The following CSMD1 variants were observed in gnomAD, a reference collection of about 807,000 sequenced individuals.
The protein encoded by CSMD1 is CUB and sushi domain-containing protein 1.
In CSMD1, 213 loss-of-function variants were observed where a neutral mutation model predicts 417.5. The ratio of observed to expected loss-of-function variants is 0.51; its 90% CI spans 0.46 to 0.57. The LOEUF (loss-of-function observed/expected upper bound fraction) is 0.57, where lower values mean the gene tolerates loss of function less well. Ranked by LOEUF, CSMD1 falls within the 20% of genes least tolerant of loss-of-function variation. The pLI, the probability that CSMD1 is intolerant of heterozygous loss-of-function variation, is 0.00. For missense variants in CSMD1, 6,923 were observed against 4,529.7 expected, an observed-to-expected ratio of 1.53 and a Z score of -15.17; for synonymous variants, 2,862 against 1,736.8, an observed-to-expected ratio of 1.65 and a Z score of -16.11.
chr8:4,526,702 A>G lies in CSMD1; in HGVS notation c.303-106637T>C, dbSNP rs116233107. Among the ~76,000 whole-genome samples, 637 of 152,356 alleles carry G rather than the reference A, an allele frequency of 4.2e-3. 4 individuals carry two copies. Among genetic ancestry groups the G allele is most frequent in the African/African-American group, 0.015 (618 of 41,592 alleles). ...AGAAAACCAGAAACGTAGGGTTATT[A>G]TAATTATCATTGCTTAAATTTGCTT... is the stretch of plus-strand genomic sequence containing the variant. On this transcript the variant is annotated intron_variant, in intron 2 of 69. Coordinates refer to ENST00000635120, the MANE Select transcript of CSMD1 (RefSeq NM_033225.6).
At chr8:4,442,783 T>C (rs1359336753) in intron 2 of CSMD1, among the ~76,000 whole-genome samples, 1 of 152,242 alleles carries the variant, frequency 6.6e-6, no homozygotes, top group Admixed American at 6.5e-5. Context: ...TGGTCTGTGA[T>C]AACTTACAAT....
chr8:3,728,206 T>A (rs1453004444), intron 6 of CSMD1, among the ~76,000 whole-genome samples: 1 of 152,178 alleles, frequency 6.6e-6, no homozygotes, highest in Non-Finnish European at 1.5e-5. Flanking sequence ...ATAAGTCTCA[T>A]GTGATCTGAT....
chr8:3,911,048 C>G (rs866444748), intron 5 of CSMD1, among the ~76,000 whole-genome samples: 23 of 151,962 alleles, frequency 1.5e-4, no homozygotes, highest in Non-Finnish European at 3.2e-4. Flanking sequence ...GGGGACACTC[C>G]AGAACTCTAG....
At chr8:3,558,911 C>T (rs1799344967) in intron 10 of CSMD1, among the ~76,000 whole-genome samples, 1 of 152,114 alleles carries the variant, frequency 6.6e-6, no homozygotes, top group Non-Finnish European at 1.5e-5. Context: ...AGGAAAGCGT[C>T]CTGGGGCAGC....
At chr8:3,374,990 C>G (rs898435638) in intron 18 of CSMD1, 2 of 152,180 alleles carry the variant, frequency 1.3e-5, no homozygotes, top group African/African-American at 2.4e-5. Context: ...TCACAGGCAA[C>G]AGTGATCTCC....
Position 4,471,693 on chromosome 8 carries a change from G to T in CSMD1, c.303-51628C>A, listed in dbSNP as rs111389071. Among the ~76,000 whole-genome samples the T allele has an allele frequency of 2.3e-3, 356 of 152,164 alleles. 1 individual carries two copies. The highest frequency in any genetic ancestry group is 7.5e-3 in the African/African-American group (310 of 41,532). On this transcript the variant is annotated intron_variant, in intron 2 of 69. Transcript: ENST00000635120. ...TGAGGAAGGCCAGCGAACGCAGAGAGAACACGACCCATCTTCAAAGAAAAA... is the reference window on the plus strand; with the variant it reads ...TGAGGAAGGCCAGCGAACGCAGAGATAACACGACCCATCTTCAAAGAAAAA...
At chr8:4,151,851 C>G (rs915168368) in intron 3 of CSMD1, among the ~76,000 whole-genome samples, 2 of 152,092 alleles carry the variant, frequency 1.3e-5, no homozygotes, top group Non-Finnish European at 2.9e-5. Context: ...AATTATATTT[C>G]CATGTACCTT....
rs571987398 is a variant in CSMD1 at position 3,106,582 on chromosome 8, T to A, written c.6895A>T (p.Thr2299Ser). ...GYTLVGTDIL[T>S]CKLSSQLQFE... ...TGCAACTGGGAACTGAGCTTGCAAG[T>A]CAGAATGTCGGTCCCCACCAAGGTG... The change falls in exon 46 of 70, where the codon ACT (threonine) becomes TCT (serine). Residue 2299 changes from threonine (T) to serine (S), a missense_variant. Coordinates refer to ENST00000635120, the MANE Select transcript of CSMD1 (RefSeq NM_033225.6). 11 of 1,613,854 alleles carry A rather than the reference T, an allele frequency of 6.8e-6. No homozygotes were observed. The highest frequency in any genetic ancestry group is 8.5e-6 in the Non-Finnish European group (10 of 1,179,826).
intron 4 of CSMD1, among the ~76,000 whole-genome samples, chr8:4,021,873 C>A (rs557481827): frequency 1.3e-5 from 2 of 152,100 alleles, no homozygotes; most frequent in East Asian, 1.9e-4. Flanking sequence ...TGCCATCCCC[C>A]TCTCTAGCTT....
At chr8:4,196,192 C>T (rs1047268659) in intron 3 of CSMD1, among the ~76,000 whole-genome samples, 3 of 151,970 alleles carry the variant, frequency 2.0e-5, no homozygotes, top group South Asian at 2.1e-4. Flanking sequence ...GCCTGGGCGA[C>T]GGAGCAAGAC....
intron 3 of CSMD1, among the ~76,000 whole-genome samples, chr8:4,117,861 G>T (rs1032598522): frequency 2.0e-5 from 3 of 151,482 alleles, no homozygotes; most frequent in Non-Finnish European, 4.4e-5. Flanking sequence ...AGAGACTCAG[G>T]GCATGTCAAA....
chr8:4,229,909 A>G (rs1033813064), intron 3 of CSMD1, among the ~76,000 whole-genome samples: 1 of 152,178 alleles, frequency 6.6e-6, no homozygotes, highest in African/African-American at 2.4e-5. Flanking sequence ...GATACTCAAT[A>G]ATATTTGTTG....
Position 3,485,241 on chromosome 8 carries a change from T to C in CSMD1, c.1448+8382A>G, listed in dbSNP as rs144015244. Reference sequence around the variant, plus strand: ...GCCAGCAAAAAACGGGAGGAAACGATTGCAGTACACAAAGTCCAGGGAATT... The same window carrying C: ...GCCAGCAAAAAACGGGAGGAAACGACTGCAGTACACAAAGTCCAGGGAATT... On this transcript the variant is annotated intron_variant, in intron 11 of 69. Transcript: ENST00000635120. Among the ~76,000 whole-genome samples the C allele has an allele frequency of 3.3e-3, 507 of 152,266 alleles. 6 individuals are homozygous for C. Among genetic ancestry groups the C allele is most frequent in the African/African-American group, 0.011 (447 of 41,552 alleles).
chr8:3,002,090 T>C (rs1037761573), intron 52 of CSMD1, among the ~76,000 whole-genome samples: 5 of 152,184 alleles, frequency 3.3e-5, no homozygotes, highest in Admixed American at 6.5e-5. Flanking sequence ...TGGCTAATTT[T>C]TGTGCATTGG....
chr8:3,002,343 C>A (rs1807478225), intron 52 of CSMD1, among the ~76,000 whole-genome samples: 1 of 152,198 alleles, frequency 6.6e-6, no homozygotes, highest in Non-Finnish European at 1.5e-5. Context: ...GGAGATGGAG[C>A]CATCGTTCCA....
intron 1 of CSMD1, among the ~76,000 whole-genome samples, chr8:4,946,639 G>C (rs894549115): frequency 6.6e-6 from 1 of 152,140 alleles, no homozygotes; most frequent in African/African-American, 2.4e-5. Flanking sequence ...GCCATATTTA[G>C]AATCTGACTC....
At chr8:4,575,023 G>A (rs1214259259) in intron 2 of CSMD1, among the ~76,000 whole-genome samples, 2 of 152,136 alleles carry the variant, frequency 1.3e-5, no homozygotes, top group Admixed American at 6.6e-5. Flanking sequence ...AAAGGAGAAA[G>A]GGCCCCTGGA....
At chr8:4,721,178 C>T (rs118001605) in intron 1 of CSMD1, among the ~76,000 whole-genome samples, 4 of 152,142 alleles carry the variant, frequency 2.6e-5, no homozygotes, top group Admixed American at 6.5e-5. Context: ...TAAACTATTG[C>T]GATCCATATA....
chr8:4,066,342 G>A (rs984467850), intron 3 of CSMD1, among the ~76,000 whole-genome samples: 1 of 152,168 alleles, frequency 6.6e-6, no homozygotes, highest in African/African-American at 2.4e-5. Context: ...AGCCCGTTCT[G>A]TCATTGTATG....
Sources: gnomAD v4.1 joint callset for allele counts (sites outside exome capture counted in the v4.1 genomes callset) on GRCh38, gnomAD v4.1.1 for gene constraint, MANE v1.5 for transcripts, NCBI Gene and HGNC (gene_info 2026-07-23, HGNC 2026-07-21) for gene names.